Variants in LARP4B observed in about 807,000 individuals in gnomAD.
LARP4B encodes the protein La ribonucleoprotein 4B, also known as la-related protein 4B.
Under a neutral mutation model 89.8 loss-of-function variants are expected in LARP4B, and 12 were observed. The ratio of observed to expected loss-of-function variants is 0.13; its 90% CI spans 0.09 to 0.22. LARP4B has a LOEUF of 0.22. LARP4B is among the 10% of genes least tolerant of loss of function. The probability of loss-of-function intolerance (pLI) is 1.00; values close to 1 mark genes in which losing one functional copy is unlikely to be tolerated. For missense variants in LARP4B, 757 were observed against 947.7 expected (o/e 0.80, Z 2.64); for synonymous variants, 367 against 363.3 (o/e 1.01, Z -0.12).
the LARP4B span, among the ~76,000 whole-genome samples, chr10:960,258 A>T: frequency 1.3e-5 from 2 of 152,068 alleles, no homozygotes; most frequent in East Asian, 3.9e-4. Context: ...TGAGAGGGGG[A>T]GCACAGAGGA....
At chr10:923,137 GT>G (rs966015628) in intron 1 of LARP4B, among the ~76,000 whole-genome samples, 2 of 151,820 alleles carry the variant, frequency 1.3e-5, no homozygotes, top group African/African-American at 4.8e-5. Context: ...GTAAGCTACT[GT>G]ATTTACAGTA....
At chr10:876,422 G>A (rs1835454275) in intron 3 of LARP4B, among the ~76,000 whole-genome samples, 1 of 152,176 alleles carries the variant, frequency 6.6e-6, no homozygotes, top group South Asian at 2.1e-4. Context: ...ATTTCCAAAA[G>A]GGAGAAATAG....
At chr10:924,152 C>T (rs376286171) in intron 1 of LARP4B, among the ~76,000 whole-genome samples, 413 of 152,142 alleles carry the variant, frequency 2.7e-3, no homozygotes, top group African/African-American at 8.8e-3. Flanking sequence ...GCTAAGGTGG[C>T]AAGATCGCTC....
chr10:963,466 G>T, the LARP4B span, among the ~76,000 whole-genome samples: 3 of 152,210 alleles, frequency 2.0e-5, no homozygotes, highest in South Asian at 4.1e-4. Context: ...TCAGCACAGG[G>T]CTGGGCATTT....
At chr10:938,136 A>G in the LARP4B span, among the ~76,000 whole-genome samples, 1 of 152,020 alleles carries the variant, frequency 6.6e-6, no homozygotes, top group Middle Eastern at 3.2e-3. Context: ...TGCCTGCCTC[A>G]GCCTCCCAAA....
intron 1 of LARP4B, among the ~76,000 whole-genome samples, chr10:898,051 A>T (rs1836241197): frequency 1.3e-5 from 2 of 151,812 alleles, no homozygotes; most frequent in African/African-American, 2.4e-5. Flanking sequence ...CCCAAAGAAG[A>T]TATACAAATG....
chr10:819,264 A>C (rs1832218959), intron 14 of LARP4B: 1 of 152,212 alleles, frequency 6.6e-6, no homozygotes, highest in African/African-American at 2.4e-5. Flanking sequence ...AATGTATTTA[A>C]ATCTCAACTT....
chr10:934,925 A>G (rs577192618), upstream of LARP4B, among the ~76,000 whole-genome samples: 7 of 152,276 alleles, frequency 4.6e-5, no homozygotes, highest in South Asian at 1.5e-3. Flanking sequence ...GTGCCAGCAC[A>G]TGTTTCCTTA....
chr10:826,229 G>C (rs1223919256), intron 11 of LARP4B, among the ~76,000 whole-genome samples: 1 of 152,236 alleles, frequency 6.6e-6, no homozygotes, highest in East Asian at 1.9e-4. Flanking sequence ...AACAGTTCTT[G>C]ATTCCTGATG....
intron 1 of LARP4B, among the ~76,000 whole-genome samples, chr10:892,925 TTTAAA>T (rs1836077118): frequency 7.5e-6 from 1 of 133,298 alleles, no homozygotes; most frequent in African/African-American, 2.7e-5. Context: ...TTTTTTTTTT[TTTAAA>T]TACAGAGTCT....
chr10:886,110 G>T (rs937246028), intron 1 of LARP4B, among the ~76,000 whole-genome samples: 8 of 151,966 alleles, frequency 5.3e-5, no homozygotes, highest in Non-Finnish European at 7.4e-5. Context: ...CACACCACTC[G>T]ATAGCAAAAT....
intron 5 of LARP4B, among the ~76,000 whole-genome samples, chr10:853,434 AGCACTTT>A (rs1834151732): frequency 6.6e-6 from 1 of 152,218 alleles, no homozygotes; most frequent in African/African-American, 2.4e-5. Context: ...CTGCAATCCC[AGCACTTT>A]GGGAGGCCGA....
chr10:908,795 C>T (rs1027502507), intron 1 of LARP4B, among the ~76,000 whole-genome samples: 1 of 152,216 alleles, frequency 6.6e-6, no homozygotes, highest in African/African-American at 2.4e-5. Context: ...TTCAGAAGTT[C>T]CAGGACTCCT....
intron 3 of LARP4B, among the ~76,000 whole-genome samples, chr10:869,278 C>T (rs867345676): frequency 7.9e-5 from 12 of 152,276 alleles, no homozygotes; most frequent in Middle Eastern, 3.4e-3. Context: ...CTTATACCTT[C>T]AATGGGCTCA....
chr10:955,797 T>TA, the LARP4B span, among the ~76,000 whole-genome samples: 149 of 148,730 alleles, frequency 1.0e-3, no homozygotes, highest in South Asian at 4.5e-3. The surrounding 1 kb of genome is among the most constrained non-coding windows in gnomAD (Gnocchi z 5.2). Context: ...CACTGTTAAT[T>TA]AAAAAAAAAA....
the LARP4B span, among the ~76,000 whole-genome samples, chr10:979,126 T>C: frequency 6.6e-6 from 1 of 152,338 alleles, no homozygotes; most frequent in East Asian, 1.9e-4. Flanking sequence ...ATTCTGGTAC[T>C]TTATCTTTCC....
At chr10:971,526 T>C in the LARP4B span, 2 of 152,246 alleles carry the variant, frequency 1.3e-5, no homozygotes, top group East Asian at 3.8e-4. Flanking sequence ...CAGTCCATAA[T>C]CTGCATGTAC....
the LARP4B span, among the ~76,000 whole-genome samples, chr10:937,792 G>A: frequency 6.6e-6 from 1 of 152,208 alleles, no homozygotes; most frequent in Non-Finnish European, 1.5e-5. Flanking sequence ...GAGAAGTCAA[G>A]CATGACATGG....
chr10:844,342 A>G (rs1833671955), intron 6 of LARP4B, among the ~76,000 whole-genome samples: 1 of 152,240 alleles, frequency 6.6e-6, no homozygotes, highest in Non-Finnish European at 1.5e-5. Flanking sequence ...GGAGGAGGCC[A>G]GCAGAGCCCC....
Sources: gnomAD v4.1 joint callset for allele counts (sites outside exome capture counted in the v4.1 genomes callset) on GRCh38, gnomAD v4.1.1 for gene constraint, Gnocchi (gnomAD v3.1) non-coding constraint, MANE v1.5 for transcripts, NCBI Gene and HGNC (gene_info 2026-07-23, HGNC 2026-07-21) for gene names.